Variants in AGBL1 observed in about 807,000 individuals in gnomAD.
AGBL1 encodes AGBL carboxypeptidase 1, also known as cytosolic carboxypeptidase 4.
A neutral mutation model predicts 118.9 loss-of-function variants in AGBL1; 130 were observed. The ratio of observed to expected loss-of-function variants is 1.09; its 90% CI spans 0.95 to 1.26. The LOEUF (loss-of-function observed/expected upper bound fraction) is 1.26, where lower values mean the gene tolerates loss of function less well. Ranked by LOEUF, AGBL1 falls within the 50% of genes most tolerant of loss-of-function variation. The pLI, the probability that AGBL1 is intolerant of heterozygous loss-of-function variation, is 0.00. For synonymous variants in AGBL1, 555 were observed against 478.9 expected, an observed-to-expected ratio of 1.16 and a Z score of -2.08; for missense variants, 1,584 against 1,298.1, an observed-to-expected ratio of 1.22 and a Z score of -3.38.
intron 17 of AGBL1, among the ~76,000 whole-genome samples, chr15:86,353,567 A>G (rs533910053): frequency 1.3e-5 from 2 of 152,298 alleles, no homozygotes; most frequent in South Asian, 4.1e-4. Context: ...ATTTAGAAAG[A>G]TTTTCTAATT....
At chr15:86,753,409 T>TC (rs1008058978) in intron 22 of AGBL1, among the ~76,000 whole-genome samples, 1 of 124,642 alleles carries the variant, frequency 8.0e-6, no homozygotes. Context: ...TTTTTTTTTT[T>TC]TTTTTTGAGA....
intron 22 of AGBL1, among the ~76,000 whole-genome samples, chr15:86,704,686 A>T (rs1246510910): frequency 1.3e-5 from 2 of 152,174 alleles, no homozygotes; most frequent in East Asian, 3.9e-4. Context: ...TGTTGATGGG[A>T]GTGTAAATTA....
intron 19 of AGBL1, among the ~76,000 whole-genome samples, chr15:86,528,025 A>G (rs536780588): frequency 5.9e-5 from 9 of 152,268 alleles, no homozygotes; most frequent in African/African-American, 1.7e-4. Context: ...CTTGCATCAT[A>G]TATGTATAAT....
chr15:86,209,606 G>A (rs1314563477), intron 5 of AGBL1, among the ~76,000 whole-genome samples: 2 of 152,046 alleles, frequency 1.3e-5, no homozygotes, highest in Non-Finnish European at 2.9e-5. Flanking sequence ...TTGGTTTAAA[G>A]TCTGATTTAT....
Position 86,870,013 on chromosome 15 carries a change from A to C in AGBL1, c.3159-37074A>C, listed in dbSNP as rs77127790. Among the ~76,000 whole-genome samples the C allele has an allele frequency of 5.9e-3, 898 of 152,242 alleles. 51 individuals carry two copies. In the East Asian group the frequency reaches 0.13, roughly 22 times the overall value. Reference sequence around the variant, plus strand: ...ATTTTGAAACCATTGCATCAAAGTCATATCTCCCTCCTTCCTTCGACTGCA... The same window carrying C: ...ATTTTGAAACCATTGCATCAAAGTCCTATCTCCCTCCTTCCTTCGACTGCA... On this transcript the variant is annotated intron_variant, in intron 22 of 22. Transcript: ENST00000614907.
chr15:86,670,684 A>G (rs1210057606), intron 21 of AGBL1, among the ~76,000 whole-genome samples: 3 of 149,722 alleles, frequency 2.0e-5, no homozygotes, highest in Non-Finnish European at 4.4e-5. Flanking sequence ...TATAGTAAGA[A>G]TAGTACATAT....
At chr15:86,764,975 CCATTG>C (rs2078074419) in intron 22 of AGBL1, among the ~76,000 whole-genome samples, 1 of 151,922 alleles carries the variant, frequency 6.6e-6, no homozygotes, top group South Asian at 2.1e-4. Flanking sequence ...ACAGGCATTT[CCATTG>C]CAGGTGGATA....
chr15:86,548,654 C>T (rs554780687), intron 20 of AGBL1, among the ~76,000 whole-genome samples: 12 of 121,840 alleles, frequency 9.8e-5, no homozygotes, highest in Non-Finnish European at 1.9e-4. Flanking sequence ...CACACACACA[C>T]ACATGCACGC....
At chr15:86,691,334 C>G (rs1000786949) in intron 22 of AGBL1, among the ~76,000 whole-genome samples, 1 of 152,122 alleles carries the variant, frequency 6.6e-6, no homozygotes, top group East Asian at 1.9e-4. Context: ...TCCCTGGGTG[C>G]TATCTTCTCA....
At chr15:86,862,138 T>C (rs2079567407) in intron 22 of AGBL1, among the ~76,000 whole-genome samples, 1 of 152,180 alleles carries the variant, frequency 6.6e-6, no homozygotes, top group Non-Finnish European at 1.5e-5. Flanking sequence ...CATTTGGGGT[T>C]AAGTGACATG....
chr15:86,616,355 A>AT (rs1216767673), intron 21 of AGBL1, among the ~76,000 whole-genome samples: 1,461 of 136,236 alleles, frequency 0.011, 45 homozygotes, highest in African/African-American at 0.034. Context: ...AAAAAAAAAA[A>AT]AAAAAAAAAA....
intron 21 of AGBL1, among the ~76,000 whole-genome samples, chr15:86,623,440 C>T (rs1278826661): frequency 6.6e-6 from 1 of 152,210 alleles, no homozygotes; most frequent in Non-Finnish European, 1.5e-5. Context: ...GTTCTCCAGA[C>T]ACTGGTACAG....
intron 23 of AGBL1, among the ~76,000 whole-genome samples, chr15:86,959,025 A>G (rs1471746100): frequency 1.3e-5 from 2 of 152,150 alleles, no homozygotes; most frequent in African/African-American, 4.8e-5. Context: ...CAAATGTAGT[A>G]AGTACACAGA....
Position 86,225,080 on chromosome 15 carries a change from T to C in AGBL1, c.526+129T>C, listed in dbSNP as rs984683016. 5.4e-6 allele frequency: 5 copies of C among 923,124 alleles called. No homozygotes were observed. The African/African-American group carries it at 6.7e-5, about 12-fold the overall frequency. The allele number at this position is 923,124 out of a possible 1,614,324, so 57.2% of individuals were successfully genotyped here. On this transcript the variant is annotated intron_variant, in intron 6 of 22. Transcript: ENST00000614907. Reference sequence around the variant, plus strand: ...CTACTATTTCTCAATCACCTATGGCTAATTCCTGACCTTGAAAGTGATAAA... The same window carrying C: ...CTACTATTTCTCAATCACCTATGGCCAATTCCTGACCTTGAAAGTGATAAA...
At chr15:86,242,172 A>G (rs975542549) in intron 6 of AGBL1, among the ~76,000 whole-genome samples, 2 of 152,018 alleles carry the variant, frequency 1.3e-5, no homozygotes, top group Non-Finnish European at 2.9e-5. Context: ...AATCAATTAA[A>G]CCTCTTTCCT....
chr15:86,318,696 ATTTTTTTTTTTTTT>A (rs57988335), intron 17 of AGBL1, among the ~76,000 whole-genome samples: 2 of 81,950 alleles, frequency 2.4e-5, no homozygotes, highest in Non-Finnish European at 4.6e-5. Context: ...TTGATCATAG[ATTTTTTTTTTTTTT>A]TTTTTTTTTT....
chr15:86,316,221 T>G (rs2080006094), intron 17 of AGBL1, among the ~76,000 whole-genome samples: 1 of 152,176 alleles, frequency 6.6e-6, no homozygotes, highest in African/African-American at 2.4e-5. Flanking sequence ...GTGTCCTATC[T>G]TAATGACTGA....
chr15:86,974,591 A>G (rs2081153494), intron 23 of AGBL1, among the ~76,000 whole-genome samples: 1 of 137,248 alleles, frequency 7.3e-6, no homozygotes, highest in Non-Finnish European at 1.5e-5. Context: ...TATAAAAATT[A>G]TATATAATTA....
At chr15:86,957,147 C>G (rs941792945) in intron 23 of AGBL1, among the ~76,000 whole-genome samples, 5 of 151,932 alleles carry the variant, frequency 3.3e-5, no homozygotes, top group African/African-American at 1.2e-4. Flanking sequence ...GAAATCAAGT[C>G]TAAAATCTGA....
Sources: allele counts gnomAD v4.1 joint callset (sites outside exome capture counted in the v4.1 genomes callset), GRCh38; gene constraint gnomAD v4.1.1; transcripts MANE v1.5; gene names NCBI Gene and HGNC (gene_info 2026-07-23, HGNC 2026-07-21).